The following AP1S2 variants were observed in gnomAD, a reference collection of about 807,000 sequenced individuals.
The protein encoded by AP1S2 is adaptor related protein complex 1 subunit sigma 2, also known as AP-1 complex subunit sigma-2.
A neutral mutation model predicts 14.3 loss-of-function variants in AP1S2; 1 was observed. The observed-to-expected ratio is 0.07, with a 90% CI of 0.02 to 0.33. The LOEUF (loss-of-function observed/expected upper bound fraction) is 0.33, where lower values mean the gene tolerates loss of function less well. AP1S2 is among the 10% of genes least tolerant of loss of function. The probability of loss-of-function intolerance (pLI) is 0.99; values close to 1 mark genes in which losing one functional copy is unlikely to be tolerated. For synonymous variants in AP1S2, 30 were observed against 40.5 expected (o/e 0.74, Z 0.99); for missense variants, 30 against 117.7 (o/e 0.25, Z 3.45).
chrX:15,842,311 G>A (rs1933860148), intron 4 of AP1S2, among the ~76,000 whole-genome samples: 1 of 111,999 alleles, frequency 8.9e-6, no homozygotes, highest in South Asian at 3.7e-4. Context: ...TGCCATTCCT[G>A]CATTTCTTCT....
intron 4 of AP1S2, among the ~76,000 whole-genome samples, chrX:15,829,689 G>A (rs1933367715): frequency 8.9e-6 from 1 of 112,039 alleles, no homozygotes; most frequent in African/African-American, 3.2e-5. Context: ...ACTTACACAT[G>A]TTCACACTGA....
chrX:15,839,908 C>T (rs1476040138), intron 4 of AP1S2, among the ~76,000 whole-genome samples: 1 of 111,849 alleles, frequency 8.9e-6, no homozygotes, highest in Non-Finnish European at 1.9e-5. Context: ...ACAAAAGCTT[C>T]ATTTTTTAAA....
At position 15,851,104 on chromosome X, in the gene AP1S2, G is replaced by T. The variant is rs1418887351; in HGVS notation, c.179+1242C>A. ...ATTTTATTTAAGGTTCTACCCATGG[G>T]GCAAAAAGCTTAAAACAAAACAAAA... On this transcript the variant is annotated intron_variant, in intron 2 of 5. Transcript: ENST00000672987. Among the ~76,000 whole-genome samples the T allele has an allele frequency of 2.7e-5, 3 of 110,930 alleles. No individual in the cohort carries two copies. The South Asian group carries it at 1.1e-3, about 42-fold the overall frequency.
At chrX:15,854,121 C>T (rs1187028720) in intron 1 of AP1S2, among the ~76,000 whole-genome samples, 1 of 112,602 alleles carries the variant, frequency 8.9e-6, no homozygotes, top group African/African-American at 3.2e-5. Flanking sequence ...CACGAGTATT[C>T]CTTCCCTCGT....
intron 4 of AP1S2, among the ~76,000 whole-genome samples, chrX:15,837,836 A>C (rs1933696963): frequency 9.1e-6 from 1 of 109,653 alleles, no homozygotes; most frequent in Non-Finnish European, 1.9e-5. Flanking sequence ...CGATCTCCTG[A>C]CCTTGTGATC....
At chrX:15,853,230 TATTAAATA>T (rs1161935964) in intron 1 of AP1S2, among the ~76,000 whole-genome samples, 1 of 112,687 alleles carries the variant, frequency 8.9e-6, no homozygotes, top group Non-Finnish European at 1.9e-5. Context: ...GATTTACACT[TATTAAATA>T]AGATTCAGCA....
chrX:15,829,955 A>G (rs1387372535), intron 4 of AP1S2: 6 of 253,764 alleles, frequency 2.4e-5, no homozygotes, highest in Non-Finnish European at 2.7e-5. Flanking sequence ...ATTCTGTGTT[A>G]TGTGTTTTTA....
chrX:15,831,422 C>G (rs1379708298), intron 4 of AP1S2: 3 of 683,606 alleles, frequency 4.4e-6, no homozygotes, highest in Non-Finnish European at 3.5e-6. Flanking sequence ...CTAAAATGTT[C>G]TACTATTATT....
In AP1S2 at chrX:15,834,439, A is replaced by AAT. The variant is rs1161066866; in HGVS notation, c.427-6241_427-6240dup. 5.7e-3 allele frequency among the ~76,000 whole-genome samples: 142 copies of AAT among 25,102 alleles called. 3 individuals carry two copies. Among genetic ancestry groups the AAT allele is most frequent in the Non-Finnish European group, 6.3e-3 (88 of 13,880 alleles). 21.8% of individuals were successfully genotyped at this position (25,102 alleles called of 115,157 possible). A position where few individuals can be genotyped will look rare whatever the true frequency, so the allele number is the denominator to read the frequency against. On this transcript the variant is annotated intron_variant, in intron 4 of 5. Coordinates refer to ENST00000672987, the MANE Select transcript of AP1S2 (RefSeq NM_001272071.2). The stretch of plus-strand genomic sequence containing the variant: ...ATTCCACTCCCATTCTCCCTTCCAA[A>AAT]ATATATATATATATATATATATATA...
At chrX:15,851,936 T>A (rs1444290861) in intron 2 of AP1S2, among the ~76,000 whole-genome samples, 1 of 112,285 alleles carries the variant, frequency 8.9e-6, no homozygotes, top group Admixed American at 9.4e-5. Flanking sequence ...AAAAGGCATG[T>A]CAAATATTAG....
intron 4 of AP1S2, among the ~76,000 whole-genome samples, chrX:15,836,072 G>T (rs980834621): frequency 9.0e-6 from 1 of 111,551 alleles, no homozygotes; most frequent in Non-Finnish European, 1.9e-5. Flanking sequence ...TCAGTTTCAT[G>T]TATGGTTGTA....
chrX:15,827,597 A>G (rs1933304152), intron 5 of AP1S2, among the ~76,000 whole-genome samples: 1 of 111,917 alleles, frequency 8.9e-6, no homozygotes, highest in Non-Finnish European at 1.9e-5. Context: ...CTAATTACCT[A>G]CCAATGTGCT....
chrX:15,854,796 A>T lies in AP1S2; in HGVS notation c.-109T>A. 1.3e-6 allele frequency: 1 copy of T among 797,016 alleles called. No homozygotes were observed. 65.7% of individuals were successfully genotyped at this position (797,016 alleles called of 1,213,427 possible). A position where few individuals can be genotyped will look rare whatever the true frequency, so the allele number is the denominator to read the frequency against. ...GAAGAGAAGCCGTGGTGCTGTGGGG[A>T]GGACACCCGGCTGGCATAGGGCAGG... On this transcript the variant is annotated 5_prime_UTR_variant, in exon 1 of 6. Transcript: ENST00000672987.
chrX:15,854,418 C>G (rs1409197850), intron 1 of AP1S2, among the ~76,000 whole-genome samples: 4 of 112,687 alleles, frequency 3.5e-5, no homozygotes, highest in Non-Finnish European at 7.5e-5. Context: ...CGAAAGCGCC[C>G]CGCAAAACTT....
rs1424784624 is a variant in AP1S2, at chrX:15,831,936, C to A, written c.427-3736G>T. The A allele has an allele frequency of 5.4e-6, 4 of 746,122 alleles. No individual in the cohort carries two copies. The East Asian group carries it at 6.0e-4, about 112-fold the overall frequency. 61.5% of individuals were successfully genotyped at this position (746,122 alleles called of 1,213,427 possible). On this transcript the variant is annotated intron_variant, in intron 4 of 5. Transcript: ENST00000672987. The stretch of plus-strand genomic sequence containing the variant: ...TTCCCCTTCCACCAGTATTTAAATT[C>A]ATTAGTTCATTTGTATTACATAAAC...
At chrX:15,854,237 G>T (rs1934262349) in intron 1 of AP1S2, among the ~76,000 whole-genome samples, 2 of 111,761 alleles carry the variant, frequency 1.8e-5, no homozygotes, top group East Asian at 2.9e-4. Context: ...CTCGGGGCCA[G>T]CGTTCCTCGG....
At chrX:15,831,240 G>A (rs1933427455) in intron 4 of AP1S2, 1 of 732,586 alleles carries the variant, frequency 1.4e-6, no homozygotes, top group Non-Finnish European at 1.6e-6. Flanking sequence ...TAATATGTAT[G>A]TGTTTAAGAT....
chrX:15,829,565 AAT>A (rs1933363045), intron 4 of AP1S2, among the ~76,000 whole-genome samples: 1 of 111,829 alleles, frequency 8.9e-6, no homozygotes, highest in South Asian at 3.7e-4. Flanking sequence ...CATTATTGAA[AAT>A]ATGTGTCCTT....
At chrX:15,828,130 G>A in intron 5 of AP1S2, 62 bp downstream of exon 5, 1 of 900,627 alleles carries the variant, frequency 1.1e-6, no homozygotes, top group East Asian at 3.6e-5. Context: ...TAATTAAAAG[G>A]CAACACTATA....
Sources: allele counts gnomAD v4.1 joint callset (sites outside exome capture counted in the v4.1 genomes callset), GRCh38; gene constraint gnomAD v4.1.1; transcripts MANE v1.5; gene names NCBI Gene and HGNC (gene_info 2026-07-23, HGNC 2026-07-21).